TMC1: variants seen among roughly 807,000 people sequenced by gnomAD.
TMC1 encodes transmembrane channel-like protein 1.
A neutral mutation model predicts 105.8 loss-of-function variants in TMC1; 84 were observed. The ratio of observed to expected loss-of-function variants is 0.79; its 90% CI spans 0.67 to 0.95. The LOEUF (loss-of-function observed/expected upper bound fraction) is 0.95, where lower values mean the gene tolerates loss of function less well. Among genes scored for constraint, TMC1 ranks in the 40% least tolerant of loss-of-function variants. The pLI is 0.00. For missense variants in TMC1, 817 were observed against 914.1 expected, an observed-to-expected ratio of 0.89 and a Z score of 1.37; for synonymous variants, 315 against 311.5, an observed-to-expected ratio of 1.01 and a Z score of -0.12.
intron 2 of TMC1, among the ~76,000 whole-genome samples, chr9:72,607,267 A>G (rs1349154111): frequency 1.3e-5 from 2 of 152,154 alleles, no homozygotes; most frequent in Admixed American, 1.3e-4. Flanking sequence ...ATCTGAAAGA[A>G]GCACAGATTG....
intron 23 of TMC1, among the ~76,000 whole-genome samples, chr9:72,832,557 T>G (rs187630192): frequency 8.4e-4 from 128 of 152,320 alleles, no homozygotes; most frequent in African/African-American, 2.9e-3. Flanking sequence ...TGGTCTGTTT[T>G]CCTGACACAT....
chr9:72,607,002 T>TATATAGAGAG (rs372785242), intron 2 of TMC1, among the ~76,000 whole-genome samples: 34 of 134,972 alleles, frequency 2.5e-4, no homozygotes, highest in South Asian at 7.5e-4. Flanking sequence ...TATATATATA[T>TATATAGAGAG]AGAGAGAGAG....
chr9:72,524,020 TATC>T (rs1169239708), intron 1 of TMC1, among the ~76,000 whole-genome samples: 1 of 152,190 alleles, frequency 6.6e-6, no homozygotes, highest in African/African-American at 2.4e-5. Flanking sequence ...GCAGTGAGGT[TATC>T]ATCATCCATT....
intron 10 of TMC1, among the ~76,000 whole-genome samples, chr9:72,749,074 C>T (rs2118046579): frequency 6.6e-6 from 1 of 152,298 alleles, no homozygotes; most frequent in Non-Finnish European, 1.5e-5. Flanking sequence ...CATTATGATG[C>T]TTAAGCATGT....
chr9:72,631,618 T>C (rs1370078139), intron 4 of TMC1, among the ~76,000 whole-genome samples: 1 of 152,220 alleles, frequency 6.6e-6, no homozygotes, highest in African/African-American at 2.4e-5. Flanking sequence ...GCACCAAATA[T>C]ATGAGGTTCT....
chr9:72,570,616 A>T (rs1824260829), intron 1 of TMC1, among the ~76,000 whole-genome samples: 1 of 151,520 alleles, frequency 6.6e-6, no homozygotes, highest in African/African-American at 2.4e-5. Context: ...AGAGAAAATA[A>T]CATTAACACC....
intron 13 of TMC1, among the ~76,000 whole-genome samples, chr9:72,773,952 A>T (rs1827969700): frequency 6.6e-6 from 1 of 152,258 alleles, no homozygotes; most frequent in Admixed American, 6.5e-5. Flanking sequence ...TGTGAGGACT[A>T]AATGAATTAA....
intron 18 of TMC1, 55 bp from the exon 19 acceptor site, chr9:72,816,088 C>T: frequency 4.5e-6 from 7 of 1,539,796 alleles, no homozygotes; most frequent in Non-Finnish European, 6.3e-6. Context: ...AACAATTTGC[C>T]TTTCAGTTTT....
chr9:72,599,700 C>A (rs1472425267), intron 2 of TMC1, among the ~76,000 whole-genome samples: 2 of 151,062 alleles, frequency 1.3e-5, no homozygotes, highest in Non-Finnish European at 2.9e-5. Context: ...ATCCCAGCTA[C>A]TCGGGAGGCT....
Position 72,805,612 on chromosome 9 carries a change from T to G in TMC1, c.1695+102T>G, listed in dbSNP as rs35431794. 63,380 of 1,092,756 alleles carry G rather than the reference T, an allele frequency of 0.058. 2,135 individuals are homozygous for G. Among genetic ancestry groups the G allele is most frequent in the African/African-American group, 0.099 (6,036 of 60,940 alleles). 67.7% of individuals were successfully genotyped at this position (1,092,756 alleles called of 1,614,324 possible). A position where few individuals can be genotyped will look rare whatever the true frequency, so the allele number is the denominator to read the frequency against. On this transcript the variant is annotated intron_variant, in intron 18 of 23. Transcript: ENST00000297784. The stretch of plus-strand genomic sequence containing the variant: ...CACAGAGGGGGATTTGGCAGGGTCA[T>G]AGGACAATAGTGGAGGGAAGGTCAG...
Position 72,565,712 on chromosome 9 carries a change from A to G in TMC1, c.-427-12190A>G, listed in dbSNP as rs192661627. Among the ~76,000 whole-genome samples the G allele has an allele frequency of 8.3e-4, 127 of 152,268 alleles. No individual in the cohort carries two copies. In the East Asian group the frequency reaches 0.023, roughly 28 times the overall value. On this transcript the variant is annotated intron_variant, in intron 1 of 23. Transcript: ENST00000297784. ...TCCACATGGCTGTGGAGGCCTCACA[A>G]TCATGGTGGAAGGTGAAGGAGGAGC...
intron 4 of TMC1, among the ~76,000 whole-genome samples, chr9:72,644,965 A>C (rs936642343): frequency 1.3e-5 from 2 of 152,202 alleles, no homozygotes; most frequent in East Asian, 3.8e-4. Flanking sequence ...TATCAAATTT[A>C]TCGTGAAGCG....
At chr9:72,788,639 A>G (rs1052431658) in intron 14 of TMC1, among the ~76,000 whole-genome samples, 156 bp downstream of exon 14, 1 of 152,186 alleles carries the variant, frequency 6.6e-6, no homozygotes, top group Admixed American at 6.5e-5. Flanking sequence ...TCTGATTATA[A>G]CTGGAAAATC....
At chr9:72,579,428 T>C (rs904225969) in intron 2 of TMC1, among the ~76,000 whole-genome samples, 6 of 152,170 alleles carry the variant, frequency 3.9e-5, no homozygotes, top group Non-Finnish European at 1.5e-5. Flanking sequence ...CAAGCAAGCC[T>C]TGTAGACTCC....
intron 5 of TMC1, among the ~76,000 whole-genome samples, chr9:72,653,157 CT>C (rs1825838211): frequency 6.6e-6 from 1 of 151,982 alleles, no homozygotes; most frequent in Non-Finnish European, 1.5e-5. Flanking sequence ...TTGTTTTGTT[CT>C]TTTTAAGTGC....
At chr9:72,556,583 C>T (rs1350183114) in intron 1 of TMC1, among the ~76,000 whole-genome samples, 1 of 151,690 alleles carries the variant, frequency 6.6e-6, no homozygotes, top group African/African-American at 2.4e-5. Context: ...CTTTGGGAGG[C>T]CGAGACGGGT....
At chr9:72,620,036 C>T (rs1041066547) in intron 3 of TMC1, among the ~76,000 whole-genome samples, 2 of 151,674 alleles carry the variant, frequency 1.3e-5, no homozygotes, top group Non-Finnish European at 2.9e-5. Context: ...GGTTTCACCA[C>T]GTTGGCCAGG....
At chr9:72,647,212 T>A (rs1422255797) in intron 4 of TMC1, among the ~76,000 whole-genome samples, 1 of 151,890 alleles carries the variant, frequency 6.6e-6, no homozygotes, top group Non-Finnish European at 1.5e-5. Context: ...ACTTTTTTTT[T>A]AGTTTTCTTT....
intron 18 of TMC1, among the ~76,000 whole-genome samples, chr9:72,810,788 A>G (rs1030232186): frequency 2.0e-5 from 3 of 152,132 alleles, no homozygotes; most frequent in Non-Finnish European, 2.9e-5. Context: ...ATTTGCTTTA[A>G]GTTGAACTGT....
Sources: allele counts gnomAD v4.1 joint callset (sites outside exome capture counted in the v4.1 genomes callset), GRCh38; gene constraint gnomAD v4.1.1; transcripts MANE v1.5; gene names NCBI Gene and HGNC (gene_info 2026-07-23, HGNC 2026-07-21).